The following SLCO5A1 variants were observed in gnomAD, a reference collection of about 807,000 sequenced individuals.
SLCO5A1 encodes the protein organic anion transporter polypeptide-related protein 4.
Under a neutral mutation model 65.1 loss-of-function variants are expected in SLCO5A1, and 39 were observed. The observed-to-expected ratio is 0.60, with a 90% CI of 0.46 to 0.78. The LOEUF (loss-of-function observed/expected upper bound fraction) is 0.78. Among genes scored for constraint, SLCO5A1 ranks in the 30% least tolerant of loss-of-function variants. The pLI is 0.00. For synonymous variants in SLCO5A1, 438 were observed against 415.7 expected (o/e 1.05, Z -0.65); for missense variants, 1,029 against 1,069.4 (o/e 0.96, Z 0.53).
intron 2 of SLCO5A1, among the ~76,000 whole-genome samples, chr8:69,803,828 C>T (rs59239472): frequency 0.14 from 20,800 of 152,110 alleles, 1,535 homozygotes; most frequent in East Asian, 0.24. Context: ...CTCCACAAAA[C>T]TGAAAAATTA....
intron 2 of SLCO5A1, among the ~76,000 whole-genome samples, chr8:69,785,685 T>C (rs375869048): frequency 2.4e-4 from 36 of 152,336 alleles, no homozygotes; most frequent in African/African-American, 8.2e-4. Flanking sequence ...AAGTCTGACT[T>C]TGAAATCCAA....
At chr8:69,795,118 G>A (rs535610223) in intron 2 of SLCO5A1, among the ~76,000 whole-genome samples, 68 of 152,238 alleles carry the variant, frequency 4.5e-4, no homozygotes, top group African/African-American at 1.0e-3. Context: ...AGATTTGGGC[G>A]AGGACACAAA....
intron 6 of SLCO5A1, among the ~76,000 whole-genome samples, chr8:69,702,992 C>T (rs940362620): frequency 2.6e-5 from 4 of 151,786 alleles, no homozygotes; most frequent in Non-Finnish European, 5.9e-5. Flanking sequence ...TGCCTGTAGA[C>T]TCTCCCTACT....
chr8:69,818,276 G>A (rs140555301), intron 2 of SLCO5A1, among the ~76,000 whole-genome samples: 227 of 152,338 alleles, frequency 1.5e-3, no homozygotes, highest in African/African-American at 5.1e-3. Flanking sequence ...AACCCAGAGA[G>A]AGAGACTTCT....
chr8:69,780,615 T>C (rs2130882171), intron 2 of SLCO5A1, among the ~76,000 whole-genome samples: 1 of 152,226 alleles, frequency 6.6e-6, no homozygotes, highest in Non-Finnish European at 1.5e-5. Flanking sequence ...CACATGGATG[T>C]AGACTGTGGA....
Position 69,673,012 on chromosome 8 carries a change from C to T in SLCO5A1, c.2404G>A (p.Gly802Arg). 1 of 1,614,196 alleles carries T rather than the reference C, an allele frequency of 6.2e-7. No homozygotes were observed. The highest frequency in any genetic ancestry group is 8.5e-7 in the Non-Finnish European group (1 of 1,180,030). Residue 802 changes from glycine (G) to arginine (R), a missense_variant, in exon 10 of 10, where the codon GGA (glycine) becomes AGA (arginine). Around this residue, in one of 3 missense-constraint regions of SLCO5A1, gnomAD observed 258 missense variants for 237.4 expected, o/e 1.09. Transcript: ENST00000260126. ...TRSCPAFSTQ[G>R]EFHEETGLQK... is the part of the protein sequence containing the mutation. The stretch of plus-strand genomic sequence containing the variant: ...AGGCCAGTCTCTTCGTGGAATTCTC[C>T]CTGGGTGCTGAAAGCTGGGCAAGAT...
intron 6 of SLCO5A1, among the ~76,000 whole-genome samples, chr8:69,703,296 A>G (rs1041401656): frequency 2.6e-5 from 4 of 152,152 alleles, no homozygotes; most frequent in South Asian, 2.1e-4. Context: ...TATTTATTCA[A>G]TCTCACTTCT....
chr8:69,697,413 C>T (rs1814543982), intron 6 of SLCO5A1, among the ~76,000 whole-genome samples: 1 of 152,160 alleles, frequency 6.6e-6, no homozygotes, highest in East Asian at 1.9e-4. Flanking sequence ...TATATATATA[C>T]ACACACAGCT....
intron 6 of SLCO5A1, among the ~76,000 whole-genome samples, chr8:69,686,124 G>A (rs969425964): frequency 1.3e-5 from 2 of 151,326 alleles, no homozygotes; most frequent in African/African-American, 4.9e-5. Context: ...CTTTTTTAAG[G>A]GACTTCTGCC....
Position 69,673,283 on chromosome 8 carries a change from G to A in SLCO5A1, c.2133C>T (p.Thr711=). The change falls in exon 10 of 10, where the codon ACC becomes ACT. Residue 711 remains threonine (T), a synonymous_variant. Coordinates refer to ENST00000260126, the MANE Select transcript of SLCO5A1 (RefSeq NM_030958.3). ...TPIYFGAVID[T]TCMLWQQECG... ...ATTCCTGTTGCCAGAGCATGCAGGTGGTGTCAATGACTGCTCCAAAGTAGA... is the reference window on the plus strand; with the variant it reads ...ATTCCTGTTGCCAGAGCATGCAGGTAGTGTCAATGACTGCTCCAAAGTAGA... 6.2e-7 allele frequency: 1 copy of A among 1,614,234 alleles called. No homozygotes were observed. Among genetic ancestry groups the A allele is most frequent in the Non-Finnish European group, 8.5e-7 (1 of 1,180,042 alleles).
intron 5 of SLCO5A1, among the ~76,000 whole-genome samples, chr8:69,708,443 C>T (rs1047405322): frequency 5.3e-5 from 8 of 152,118 alleles, no homozygotes; most frequent in African/African-American, 1.9e-4. Flanking sequence ...TGCCTGTAAT[C>T]CCAGCTACTT....
intron 6 of SLCO5A1, among the ~76,000 whole-genome samples, chr8:69,695,869 T>C (rs1282113133): frequency 2.0e-5 from 3 of 152,202 alleles, no homozygotes; most frequent in African/African-American, 7.2e-5. Context: ...GTAACTAATA[T>C]GGGCTACTAG....
intron 6 of SLCO5A1, among the ~76,000 whole-genome samples, chr8:69,702,415 C>T (rs928648188): frequency 6.6e-6 from 1 of 152,080 alleles, no homozygotes; most frequent in African/African-American, 2.4e-5. Context: ...AGTTCTTATT[C>T]TATACTGCTT....
intron 6 of SLCO5A1, among the ~76,000 whole-genome samples, chr8:69,691,364 A>G (rs1159236779): frequency 6.6e-6 from 1 of 152,198 alleles, no homozygotes; most frequent in African/African-American, 2.4e-5. Flanking sequence ...CTAACATGAA[A>G]TCTACCTTCT....
intron 2 of SLCO5A1, among the ~76,000 whole-genome samples, chr8:69,816,796 C>T (rs564184332): frequency 6.6e-5 from 10 of 152,310 alleles, no homozygotes; most frequent in Non-Finnish European, 1.2e-4. Context: ...AATTCCCACA[C>T]ACCTGAGAAA....
rs572442502 is a variant in SLCO5A1 at position 69,822,280 on chromosome 8, C to A, written c.907+9487G>T. On this transcript the variant is annotated intron_variant, in intron 2 of 9. Coordinates refer to ENST00000260126, the MANE Select transcript of SLCO5A1 (RefSeq NM_030958.3). The stretch of plus-strand genomic sequence containing the variant: ...CAGTGGTGAAATGGCACACCACAAG[C>A]CCCTCAAACTTCAAAGGAGCTTTTA... Among the ~76,000 whole-genome samples the A allele has an allele frequency of 2.1e-4, 32 of 152,278 alleles. 1 individual carries two copies. Among genetic ancestry groups the A allele is most frequent in the Non-Finnish European group, 4.1e-4 (28 of 68,028 alleles).
chr8:69,784,885 A>AG (rs1563722934), intron 2 of SLCO5A1, among the ~76,000 whole-genome samples: 23 of 135,262 alleles, frequency 1.7e-4, no homozygotes, highest in African/African-American at 6.7e-4. Flanking sequence ...GAAAGAAAGA[A>AG]AGAAGAAAGG....
intron 2 of SLCO5A1, among the ~76,000 whole-genome samples, chr8:69,796,491 C>T (rs1046864625): frequency 2.6e-5 from 4 of 151,886 alleles, no homozygotes; most frequent in African/African-American, 9.7e-5. Context: ...TGGCATATGC[C>T]TATAAACCCA....
chr8:69,807,851 T>C (rs1267893194), intron 2 of SLCO5A1, among the ~76,000 whole-genome samples: 1 of 151,982 alleles, frequency 6.6e-6, no homozygotes, highest in Non-Finnish European at 1.5e-5. Context: ...CTACAGGCAC[T>C]CGCCACCACG....
Sources: allele counts gnomAD v4.1 joint callset (sites outside exome capture counted in the v4.1 genomes callset), GRCh38; gene constraint gnomAD v4.1.1; regional missense constraint gnomAD v4.1.1; transcripts MANE v1.5; gene names NCBI Gene and HGNC (gene_info 2026-07-23, HGNC 2026-07-21).